Variants in RELN observed in about 807,000 individuals in gnomAD.
The protein encoded by RELN is reelin.
In RELN, 108 loss-of-function variants were observed where a neutral mutation model predicts 427.6. The ratio of observed to expected loss-of-function variants is 0.25; its 90% confidence interval spans 0.22 to 0.30. The LOEUF (loss-of-function observed/expected upper bound fraction) is 0.30, where lower values mean the gene tolerates loss of function less well. RELN is among the 10% of genes least tolerant of loss of function. RELN has a pLI of 1.00. For synonymous variants in RELN, 1,524 were observed against 1,513.4 expected, an observed-to-expected ratio of 1.01 and a Z score of -0.16; for missense variants, 3,715 against 4,302.8, an observed-to-expected ratio of 0.86 and a Z score of 3.82.
intron 2 of RELN, among the ~76,000 whole-genome samples, chr7:103,868,968 A>G (rs558421864): frequency 1.3e-5 from 2 of 152,198 alleles, no homozygotes; most frequent in East Asian, 1.9e-4. Context: ...GACAAGATAC[A>G]CATGGACCTT....
In RELN at chr7:103,636,269, G is replaced by A; in HGVS notation, c.2269C>T (p.Leu757=). The stretch of plus-strand genomic sequence containing the variant: ...GAGCTGTCAAGGAAAGATGTAATTA[G>A]CTGACGCCGCCCATCTTTGTTGAAA... ...LVFNKDGRRQ[L]ITSFLDSSQS... Residue 757 remains leucine, a synonymous_variant, in exon 18 of 65, where the codon CTA becomes TTA. Transcript: ENST00000428762. 2 of 1,613,866 alleles carry A rather than the reference G, an allele frequency of 1.2e-6. No individual in the cohort carries two copies. The highest frequency in any genetic ancestry group is 1.1e-5 in the South Asian group (1 of 91,074).
chr7:103,857,749 A>C (rs1401795373), intron 2 of RELN, among the ~76,000 whole-genome samples: 1 of 152,174 alleles, frequency 6.6e-6, no homozygotes, highest in Non-Finnish European at 1.5e-5. Context: ...ACTGCACTAA[A>C]CACCACCAAT....
rs148503862 is a variant in RELN at position 103,699,428 on chromosome 7, G to A, written c.903-1335C>T. 4.4e-3 allele frequency among the ~76,000 whole-genome samples: 674 copies of A among 152,184 alleles called. 3 individuals are homozygous for A. Among genetic ancestry groups the A allele is most frequent in the African/African-American group, 0.016 (651 of 41,548 alleles). On this transcript the variant is annotated intron_variant, in intron 9 of 64. Transcript: ENST00000428762. ...GAGAATATATTTAGGTAGTGATTGGGAGCACTTTCACTCTAACCTCCACTG... is the reference window on the plus strand; with the variant it reads ...GAGAATATATTTAGGTAGTGATTGGAAGCACTTTCACTCTAACCTCCACTG...
At chr7:103,778,682 AT>A (rs1423344888) in intron 3 of RELN, among the ~76,000 whole-genome samples, 1 of 152,180 alleles carries the variant, frequency 6.6e-6, no homozygotes, top group Non-Finnish European at 1.5e-5. Context: ...CAGATTTATT[AT>A]TTGTTGCCTT....
intron 1 of RELN, among the ~76,000 whole-genome samples, chr7:103,973,249 TAAGA>T (rs1225111111): frequency 6.6e-6 from 1 of 152,158 alleles, no homozygotes; most frequent in African/African-American, 2.4e-5. Flanking sequence ...GTTACTGTAA[TAAGA>T]GAGAGTGTCT....
chr7:103,511,730 C>T (rs964268605), intron 50 of RELN, among the ~76,000 whole-genome samples: 6 of 151,844 alleles, frequency 4.0e-5, no homozygotes, highest in South Asian at 2.1e-4. Flanking sequence ...TGGTGGTGCA[C>T]GCCCATAGTC....
chr7:103,878,301 G>A (rs1794530700), intron 2 of RELN, among the ~76,000 whole-genome samples: 1 of 152,058 alleles, frequency 6.6e-6, no homozygotes. Flanking sequence ...CCTGACATTT[G>A]TACAGCCACT....
intron 11 of RELN, among the ~76,000 whole-genome samples, chr7:103,677,245 T>C (rs13223067): frequency 0.61 from 86,466 of 141,630 alleles, 26,200 homozygotes; most frequent in South Asian, 0.68. Context: ...GGGAACATCA[T>C]ACACTAGGAT....
chr7:103,949,783 C>G (rs185985229), intron 1 of RELN, among the ~76,000 whole-genome samples: 3 of 152,144 alleles, frequency 2.0e-5, no homozygotes, highest in African/African-American at 7.2e-5. Flanking sequence ...AATGTAAACT[C>G]AAAAAGAACA....
At chr7:103,774,044 C>T (rs1057046448) in intron 4 of RELN, among the ~76,000 whole-genome samples, 2 of 151,958 alleles carry the variant, frequency 1.3e-5, no homozygotes, top group African/African-American at 4.8e-5. Context: ...GCCTGTAATC[C>T]TAGCACTTTG....
At position 103,612,921 on chromosome 7, in the gene RELN, T is replaced by G. The variant is rs145249805; in HGVS notation, c.2703-1118A>C. Among the ~76,000 whole-genome samples the G allele has an allele frequency of 6.6e-5, 10 of 152,338 alleles. No individual in the cohort carries two copies. The East Asian group carries it at 1.9e-3, about 29-fold the overall frequency. On this transcript the variant is annotated intron_variant, in intron 20 of 64. Coordinates refer to ENST00000428762, the MANE Select transcript of RELN (RefSeq NM_005045.4). ...GTAGTTACATGAGTCAATGTAAATA[T>G]TCCCAGGGTCAATCACACTAAAGTT... is the stretch of plus-strand genomic sequence containing the variant.
At chr7:103,833,151 C>T (rs1218239087) in intron 3 of RELN, among the ~76,000 whole-genome samples, 2 of 151,940 alleles carry the variant, frequency 1.3e-5, no homozygotes, top group African/African-American at 2.4e-5. Context: ...TTGAGATATG[C>T]AATACATTAA....
At chr7:103,926,135 T>C (rs1465035869) in intron 1 of RELN, among the ~76,000 whole-genome samples, 1 of 123,258 alleles carries the variant, frequency 8.1e-6, no homozygotes, top group Non-Finnish European at 1.6e-5. Context: ...GGAGTCTCAC[T>C]CTGTCTCCAG....
chr7:103,684,371 T>G (rs933117760), intron 10 of RELN, among the ~76,000 whole-genome samples: 3 of 152,170 alleles, frequency 2.0e-5, no homozygotes, highest in Admixed American at 1.3e-4. Context: ...TGCATTCAGA[T>G]TGAGATAGTG....
chr7:103,844,564 TTAAG>T (rs1275082010), intron 2 of RELN, among the ~76,000 whole-genome samples: 1 of 152,024 alleles, frequency 6.6e-6, no homozygotes, highest in Non-Finnish European at 1.5e-5. Context: ...TTTAAAGGGG[TTAAG>T]TAAGTTGTCC....
At chr7:103,555,820 A>G (rs922252269) in intron 38 of RELN, among the ~76,000 whole-genome samples, 2 of 152,200 alleles carry the variant, frequency 1.3e-5, no homozygotes, top group African/African-American at 4.8e-5. Flanking sequence ...ATGTATACAT[A>G]TATGTTTCAC....
chr7:103,693,790 C>T (rs932692154), intron 10 of RELN, among the ~76,000 whole-genome samples: 71 of 152,116 alleles, frequency 4.7e-4, no homozygotes, highest in African/African-American at 1.7e-3. Context: ...TTGGTTCCAA[C>T]ATCTTGCCAG....
At chr7:103,932,699 C>A (rs10487175) in intron 1 of RELN, among the ~76,000 whole-genome samples, 12,761 of 152,160 alleles carry the variant, frequency 0.084, 948 homozygotes, top group East Asian at 0.21. Flanking sequence ...GATTCCCATT[C>A]ATCTAGAGGC....
rs34015200 is a variant in RELN, at chr7:103,604,831, C to CTTT, written c.3009-351_3009-349dup. Reference sequence around the variant, plus strand: ...CATCTACTAAACTGAACCTATCTTTCTTTTTTTTTTTTTTTTGAGACAGAG... The same window carrying CTTT: ...CATCTACTAAACTGAACCTATCTTTCTTTTTTTTTTTTTTTTTTTGAGACAGAG... On this transcript the variant is annotated intron_variant, in intron 22 of 64. Transcript: ENST00000428762. Among the ~76,000 whole-genome samples, 224 of 138,696 alleles carry CTTT rather than the reference C, an allele frequency of 1.6e-3. 5 individuals carry two copies. The highest frequency in any genetic ancestry group is 3.8e-3 in the Middle Eastern group (1 of 262). 91.0% of individuals were successfully genotyped at this position (138,696 alleles called of 152,430 possible). A position where few individuals can be genotyped will look rare whatever the true frequency, so the allele number is the denominator to read the frequency against.
Sources: gnomAD v4.1 joint callset for allele counts (sites outside exome capture counted in the v4.1 genomes callset) on GRCh38, gnomAD v4.1.1 for gene constraint, MANE v1.5 for transcripts, NCBI Gene and HGNC (gene_info 2026-07-23, HGNC 2026-07-21) for gene names.